Variants in CPA4 observed in about 807,000 individuals in gnomAD.
The protein encoded by CPA4 is carboxypeptidase A3.
CPA4 carries 49 observed loss-of-function variants against 54.7 expected under a neutral mutation model. The observed-to-expected ratio is 0.90, with a 90% confidence interval of 0.71 to 1.14. The LOEUF (loss-of-function observed/expected upper bound fraction) is 1.14. Among genes scored for constraint, CPA4 ranks in the 50% most tolerant of loss-of-function variants. The pLI, the probability that CPA4 is intolerant of heterozygous loss-of-function variation, is 0.00. For missense variants in CPA4, 487 were observed against 525.1 expected, an observed-to-expected ratio of 0.93 and a Z score of 0.71; for synonymous variants, 215 against 206.8, an observed-to-expected ratio of 1.04 and a Z score of -0.34.
At chr7:130,304,353 T>C in intron 4 of CPA4, 125 bp from the exon 5 acceptor site, 1 of 744,156 alleles carries the variant, frequency 1.3e-6, no homozygotes, top group South Asian at 1.4e-5. Flanking sequence ...ATGCCGATAA[T>C]ATGGTCAATT....
intron 8 of CPA4, among the ~76,000 whole-genome samples, chr7:130,309,175 T>C (rs894015997): frequency 1.2e-4 from 18 of 152,192 alleles, no homozygotes; most frequent in African/African-American, 4.1e-4. Flanking sequence ...TATATTTTTG[T>C]GATTTTGAAA....
intron 10 of CPA4, 110 bp downstream of exon 10, chr7:130,312,232 G>A: frequency 1.3e-6 from 1 of 794,158 alleles, no homozygotes; most frequent in Admixed American, 2.0e-5. Context: ...GATTGTTTTT[G>A]TTGTTGGTAA....
rs149127901 is a variant in CPA4, at chr7:130,308,333, C to A, written c.729C>A (p.Ser243=). The A allele has an allele frequency of 1.1e-4, 181 of 1,614,148 alleles. No individual in the cohort carries two copies. The African/African-American group carries it at 2.2e-3, about 20-fold the overall frequency. The part of the protein sequence containing the change: ...TQNRLWRKTR[S]RNPGSSCIGA... ...ACCGATTATGGAGGAAGACGCGGTC[C>A]CGAAATCCTGGAAGCTCCTGCATTG... The change falls in exon 8 of 11, where the codon TCC becomes TCA. Residue 243 remains serine, a synonymous_variant. Transcript: ENST00000222482.
At chr7:130,322,425 G>A in intron 10 of CPA4, 64 bp from the exon 11 acceptor site, 2 of 1,396,062 alleles carry the variant, frequency 1.4e-6, no homozygotes. Flanking sequence ...AGAGCTCTTG[G>A]CCCCTTCCCA....
intron 10 of CPA4, among the ~76,000 whole-genome samples, chr7:130,320,857 T>G (rs970195315): frequency 6.6e-6 from 1 of 152,248 alleles, no homozygotes; most frequent in Non-Finnish European, 1.5e-5. Context: ...GCCTGGCTCA[T>G]AGTAGCTGCT....
chr7:130,318,650 A>G (rs1033103364), intron 10 of CPA4, among the ~76,000 whole-genome samples: 2 of 152,132 alleles, frequency 1.3e-5, no homozygotes, highest in South Asian at 4.1e-4. Context: ...ACCTCAGGTG[A>G]TCTGCCCGCC....
At chr7:130,305,659 G>A (rs1405493792) in intron 5 of CPA4, among the ~76,000 whole-genome samples, 157 bp from the exon 6 acceptor site, 1 of 152,204 alleles carries the variant, frequency 6.6e-6, no homozygotes, top group African/African-American at 2.4e-5. Flanking sequence ...AAGCTTCCAA[G>A]TCACGGATAA....
At position 130,305,748 on chromosome 7, in the gene CPA4, T is replaced by C. The variant is rs992078731; in HGVS notation, c.487-68T>C. ...ATGAATTAAATGAATGGGAGAGAGC[T>C]GGAGAGAGGAGAAGTGAGCAGAGAT... On this transcript the variant is annotated intron_variant, in intron 5 of 10. Transcript: ENST00000222482. 26 of 1,092,910 alleles carry C rather than the reference T, an allele frequency of 2.4e-5. No individual in the cohort carries two copies. In the African/African-American group the frequency reaches 2.8e-4, roughly 12 times the overall value. The allele number at this position is 1,092,910 out of a possible 1,614,324, so 67.7% of individuals were successfully genotyped here. A position where few individuals can be genotyped will look rare whatever the true frequency, so the allele number is the denominator to read the frequency against.
chr7:130,320,179 T>C (rs904494103), intron 10 of CPA4, among the ~76,000 whole-genome samples: 1 of 152,210 alleles, frequency 6.6e-6, no homozygotes, highest in East Asian at 1.9e-4. Flanking sequence ...GGTAGATCTA[T>C]GTGCGCTAAA....
intron 1 of CPA4, among the ~76,000 whole-genome samples, chr7:130,298,040 G>A (rs1337610921): frequency 2.0e-5 from 3 of 152,142 alleles, no homozygotes; most frequent in Admixed American, 6.5e-5. Context: ...CTCTCACCCC[G>A]TAGGGAGGAG....
At chr7:130,316,924 A>AT in intron 10 of CPA4, among the ~76,000 whole-genome samples, 1 of 151,884 alleles carries the variant, frequency 6.6e-6, no homozygotes. Flanking sequence ...AAAAAAAAAA[A>AT]AAAATTGAAG....
At chr7:130,300,241 C>T (rs1793717480) in intron 3 of CPA4, among the ~76,000 whole-genome samples, 1 of 151,950 alleles carries the variant, frequency 6.6e-6, no homozygotes, top group South Asian at 2.1e-4. Flanking sequence ...CTACAGAGTT[C>T]ATACTATAGG....
Position 130,310,836 on chromosome 7 carries a change from C to A in CPA4, c.843C>A (p.His281Gln). The change falls in exon 9 of 11, where the codon CAC becomes CAA. Residue 281 changes from histidine to glutamine, a missense_variant. Coordinates refer to ENST00000222482, the MANE Select transcript of CPA4 (RefSeq NM_016352.4). The surrounding 1 kb of genome is among the most constrained non-coding windows in gnomAD (Gnocchi z 4.3). ...NPCSEVYHGP[H>Q]ANSEVEVKSV... ...GCTCCGAAGTGTACCATGGACCCCA[C>A]GCCAATTCGGAAGTGGAGGTGAAAT... 2 of 1,614,212 alleles carry A rather than the reference C, an allele frequency of 1.2e-6. No individual in the cohort carries two copies. Among genetic ancestry groups the A allele is most frequent in the African/African-American group, 1.3e-5 (1 of 75,054 alleles).
intron 1 of CPA4, chr7:130,293,661 C>T: frequency 5.0e-6 from 1 of 198,780 alleles, no homozygotes; most frequent in South Asian, 8.6e-5. Flanking sequence ...AAAGGGAAAC[C>T]CTGGGTCTCA....
chr7:130,312,130 C>G lies in CPA4; in HGVS notation c.1078+8C>G. 6.2e-7 allele frequency: 1 copy of G among 1,600,352 alleles called. No individual in the cohort carries two copies. On this transcript the variant is annotated splice_region_variant and intron_variant, in intron 10 of 10. Transcript: ENST00000222482. ...CCACCTGCACCACTGTCTGTAAGTA[C>G]TCGCTTATTTATGAGTTATTTAGAA...
chr7:130,302,139 G>A (rs12539664), intron 4 of CPA4, among the ~76,000 whole-genome samples: 7,078 of 152,192 alleles, frequency 0.047, 222 homozygotes, highest in Middle Eastern at 0.085. Flanking sequence ...GGATTGGTGT[G>A]CCACCACCCT....
rs1363813065 is a variant in CPA4, at chr7:130,298,678, G to T, written c.69-68G>T. ...GTTACGTCTGGGATAGGAGGCTTGG[G>T]GGTTTCTTTGCCAGCTGAAAGCTCA... On this transcript the variant is annotated intron_variant, in intron 1 of 10. Coordinates refer to ENST00000222482, the MANE Select transcript of CPA4 (RefSeq NM_016352.4). The T allele has an allele frequency of 5.3e-6, 5 of 939,096 alleles. No homozygotes were observed. In the East Asian group the frequency reaches 9.6e-5, roughly 18 times the overall value. 58.2% of individuals were successfully genotyped at this position (939,096 alleles called of 1,614,324 possible).
chr7:130,313,993 C>T (rs1047182366), intron 10 of CPA4, among the ~76,000 whole-genome samples: 5 of 152,202 alleles, frequency 3.3e-5, no homozygotes, highest in African/African-American at 4.8e-5. Context: ...ATTTTTTACA[C>T]AATACTGCAG....
At chr7:130,308,171 G>A (rs1562930458) in intron 7 of CPA4, 136 bp from the exon 8 acceptor site, 1 of 712,806 alleles carries the variant, frequency 1.4e-6, no homozygotes, top group Non-Finnish European at 2.5e-6. Flanking sequence ...ACTGCTCAAT[G>A]AGGACTAGGA....
Sources: allele counts gnomAD v4.1 joint callset (sites outside exome capture counted in the v4.1 genomes callset), GRCh38; gene constraint gnomAD v4.1.1; non-coding constraint Gnocchi (gnomAD v3.1); transcripts MANE v1.5; gene names NCBI Gene and HGNC (gene_info 2026-07-23, HGNC 2026-07-21).